The following NSD2 variants were observed in gnomAD, a reference collection of about 807,000 sequenced individuals.
NSD2 encodes histone-lysine N-methyltransferase NSD2.
In NSD2, 12 loss-of-function variants were observed where a neutral mutation model predicts 139.0. The observed-to-expected ratio is 0.09, with a 90% CI of 0.06 to 0.14. The LOEUF is 0.14. NSD2 is among the 10% of genes least tolerant of loss of function. NSD2 has a pLI of 1.00. For synonymous variants in NSD2, 669 were observed against 648.7 expected (o/e 1.03, Z -0.48); for missense variants, 1,155 against 1,745.0 (o/e 0.66, Z 6.02).
Position 1,948,503 on chromosome 4 carries a change from G to A in NSD2, c.1882-2569G>A, listed in dbSNP as rs368737664. ...CTTGCGGGTGGTTGCCGAGCCGAGA[G>A]CATTGGATCCTCCCCGACTGTGGCT... is the stretch of plus-strand genomic sequence containing the variant. On this transcript the variant is annotated intron_variant, in intron 9 of 21. Coordinates refer to ENST00000508803, the MANE Select transcript of NSD2 (RefSeq NM_001042424.3). The surrounding 1 kb of genome is among the most constrained non-coding windows in gnomAD (Gnocchi z 4.5). The A allele has an allele frequency of 9.4e-7, 1 of 1,064,476 alleles. No individual in the cohort carries two copies. The highest frequency in any genetic ancestry group is 1.1e-6 in the Non-Finnish European group (1 of 877,946). 65.9% of individuals were successfully genotyped at this position (1,064,476 alleles called of 1,614,324 possible).
At position 1,951,135 on chromosome 4, in the gene NSD2, A is replaced by C; in HGVS notation, c.1945A>C (p.Thr649Pro). ...ATACGAAAGTGCAGACGAAACACAA[A>C]CTGAAGTATCTGTCTCATCCAAAAA... ...SPYESADETQTEVSVSSKKSE... is the reference protein window; with the variant it reads ...SPYESADETQPEVSVSSKKSE... Residue 649 changes from threonine (T) to proline (P), a missense_variant, in exon 10 of 22, where the codon ACT (threonine) becomes CCT (proline). By Grantham distance (38) the Thr-to-Pro change is conservative (BLOSUM62 -1). Around this residue, in one of 8 missense-constraint regions of NSD2, gnomAD observed 420 missense variants for 469.0 expected, o/e 0.90. Coordinates refer to ENST00000508803, the MANE Select transcript of NSD2 (RefSeq NM_001042424.3). The C allele has an allele frequency of 6.2e-7, 1 of 1,614,178 alleles. No homozygotes were observed. Among genetic ancestry groups the C allele is most frequent in the Non-Finnish European group, 8.5e-7 (1 of 1,180,022 alleles).
At chr4:1,965,872 C>A (rs1197374314) in intron 18 of NSD2, among the ~76,000 whole-genome samples, 1 of 152,174 alleles carries the variant, frequency 6.6e-6, no homozygotes, top group Non-Finnish European at 1.5e-5. Flanking sequence ...ATGGAGGAAA[C>A]CCTCCCATAA....
intron 3 of NSD2, among the ~76,000 whole-genome samples, chr4:1,912,887 T>C (rs1718861254): frequency 6.6e-6 from 1 of 152,170 alleles, no homozygotes; most frequent in South Asian, 2.1e-4. Context: ...TTACATTGTT[T>C]TCTGTAGTTC....
intron 5 of NSD2, among the ~76,000 whole-genome samples, chr4:1,922,732 C>G (rs1720324981): frequency 6.6e-6 from 1 of 152,038 alleles, no homozygotes; most frequent in African/African-American, 2.4e-5. Context: ...TCCAGACTAG[C>G]CTGGCCAACA....
chr4:1,955,924 G>A lies in NSD2; in HGVS notation c.2676-59G>A. The A allele has an allele frequency of 6.2e-7, 1 of 1,610,938 alleles. No individual in the cohort carries two copies. Among genetic ancestry groups the A allele is most frequent in the South Asian group, 1.1e-5 (1 of 90,822 alleles). ...TTCGCTTTACAGTACTTAAAGTATTGAAATTATTATCGCTGTCTCTGAGGA... is the reference window on the plus strand; with the variant it reads ...TTCGCTTTACAGTACTTAAAGTATTAAAATTATTATCGCTGTCTCTGAGGA... On this transcript the variant is annotated intron_variant, in intron 14 of 21. Coordinates refer to ENST00000508803, the MANE Select transcript of NSD2 (RefSeq NM_001042424.3). This position sits in a 1 kb window ranked among gnomAD's most constrained non-coding sequence, Gnocchi z 4.7.
In NSD2 at chr4:1,976,470, T is replaced by C; in HGVS notation, c.3622-5T>C. 1 of 1,612,590 alleles carries C rather than the reference T, an allele frequency of 6.2e-7. No individual in the cohort carries two copies. Among genetic ancestry groups the C allele is most frequent in the Non-Finnish European group, 8.5e-7 (1 of 1,179,464 alleles). On this transcript the variant is annotated splice_region_variant and splice_polypyrimidine_tract_variant and intron_variant, in intron 20 of 21. Coordinates refer to ENST00000508803, the MANE Select transcript of NSD2 (RefSeq NM_001042424.3). The surrounding 1 kb of genome is among the most constrained non-coding windows in gnomAD (Gnocchi z 5.3). Reference sequence around the variant, plus strand: ...CGGTGATCTGTGCTTAATTCTTGACTCTAGACCTCGACGACCCTTTCATCA... The same window carrying C: ...CGGTGATCTGTGCTTAATTCTTGACCCTAGACCTCGACGACCCTTTCATCA...
intron 2 of NSD2, among the ~76,000 whole-genome samples, chr4:1,901,836 G>C (rs1347555932): frequency 1.3e-5 from 2 of 152,220 alleles, no homozygotes; most frequent in East Asian, 3.8e-4. Flanking sequence ...CCTGTTCTTG[G>C]TTCCCAGTGC....
intron 1 of NSD2, among the ~76,000 whole-genome samples, chr4:1,890,798 A>T (rs866544350): frequency 6.7e-6 from 1 of 148,622 alleles, no homozygotes; most frequent in Non-Finnish European, 1.5e-5. Flanking sequence ...GGGTTTCACC[A>T]TGTTGGCCAG....
chr4:1,932,439 CAAAAA>C (rs776037394), intron 6 of NSD2, among the ~76,000 whole-genome samples: 3 of 65,392 alleles, frequency 4.6e-5, no homozygotes, highest in Non-Finnish European at 6.8e-5. Context: ...AGTCAATCTC[CAAAAA>C]AAAAAAAAAA....
chr4:1,901,660 AGT>A (rs1365940781), intron 2 of NSD2, among the ~76,000 whole-genome samples: 2 of 152,178 alleles, frequency 1.3e-5, no homozygotes, highest in Non-Finnish European at 2.9e-5. Flanking sequence ...TGGGCTCTAG[AGT>A]GTGACTTCTT....
Position 1,939,784 on chromosome 4 carries a change from A to G in NSD2, c.1881+6A>G. On this transcript the variant is annotated splice_donor_region_variant and intron_variant, in intron 9 of 21. Transcript: ENST00000508803. ...CATCCTTAACTGAGAATGAGGTAAA[A>G]TAATAATAATAACGATAACCATGGC... is the stretch of plus-strand genomic sequence containing the variant. 6.2e-7 allele frequency: 1 copy of G among 1,613,804 alleles called. No individual in the cohort carries two copies. The highest frequency in any genetic ancestry group is 8.5e-7 in the Non-Finnish European group (1 of 1,179,742).
In NSD2 at chr4:1,916,866, A is replaced by T; in HGVS notation, c.761-5A>T. Reference sequence around the variant, plus strand: ...CATTCTCTAACATTTTATTTTAAAAACTAGGTCAGAAAAAGAGTGCACGCC... The same window carrying T: ...CATTCTCTAACATTTTATTTTAAAATCTAGGTCAGAAAAAGAGTGCACGCC... On this transcript the variant is annotated splice_polypyrimidine_tract_variant and splice_region_variant and intron_variant, in intron 3 of 21. Coordinates refer to ENST00000508803, the MANE Select transcript of NSD2 (RefSeq NM_001042424.3). 1 of 1,588,604 alleles carries T rather than the reference A, an allele frequency of 6.3e-7. No individual in the cohort carries two copies. The highest frequency in any genetic ancestry group is 1.2e-5 in the South Asian group (1 of 85,954).
chr4:1,891,799 G>T (rs1438311360), intron 1 of NSD2, among the ~76,000 whole-genome samples: 1 of 150,798 alleles, frequency 6.6e-6, no homozygotes, highest in Non-Finnish European at 1.5e-5. Context: ...GGAGCTTGCA[G>T]TGAGCCGAGA....
In NSD2 at chr4:1,981,076, T is replaced by C. The variant is rs578145510; in HGVS notation, c.*2167T>C. The C allele has an allele frequency of 1.3e-5, 3 of 233,276 alleles. No individual in the cohort carries two copies. In the South Asian group the frequency reaches 5.4e-4, roughly 42 times the overall value. The allele number at this position is 233,276 out of a possible 1,614,324, so 14.5% of individuals were successfully genotyped here. On this transcript the variant is annotated 3_prime_UTR_variant, in exon 22 of 22. Coordinates refer to ENST00000508803, the MANE Select transcript of NSD2 (RefSeq NM_001042424.3). Reference sequence around the variant, plus strand: ...TTTGCAGTGCACTTTGGGGAGCAGATATTAACTTATTTTTGTGTTGGACAG... The same window carrying C: ...TTTGCAGTGCACTTTGGGGAGCAGACATTAACTTATTTTTGTGTTGGACAG...
chr4:1,904,521 G>A (rs554196113), intron 3 of NSD2, 143 bp downstream of exon 3: 2 of 849,396 alleles, frequency 2.4e-6, no homozygotes, highest in Non-Finnish European at 3.5e-6. Context: ...ATTGATTCAA[G>A]TGTGATGTGT....
chr4:1,964,382 T>C (rs1725663760), intron 18 of NSD2, among the ~76,000 whole-genome samples: 1 of 152,188 alleles, frequency 6.6e-6, no homozygotes, highest in Non-Finnish European at 1.5e-5. Context: ...TGGAAGCTAC[T>C]GAAGGCTTGC....
At chr4:1,975,124 C>T in intron 19 of NSD2, 120 bp downstream of exon 19, 1 of 1,516,094 alleles carries the variant, frequency 6.6e-7, no homozygotes, top group African/African-American at 1.4e-5. Context: ...GATGTGGAGT[C>T]TCTTTTGGTT....
At position 1,945,816 on chromosome 4, in the gene NSD2, G is replaced by T. The variant is rs567225178; in HGVS notation, c.1882-5256G>T. On this transcript the variant is annotated intron_variant, in intron 9 of 21. Coordinates refer to ENST00000508803, the MANE Select transcript of NSD2 (RefSeq NM_001042424.3). ...GGCTGTAAAGCCACGGATTCCCCTC[G>T]CTGGAGAGGCTCCTGTCTGATAGCG... The T allele has an allele frequency of 1.8e-5, 19 of 1,063,922 alleles. No individual in the cohort carries two copies. The South Asian group carries it at 3.6e-4, about 20-fold the overall frequency. 65.9% of individuals were successfully genotyped at this position (1,063,922 alleles called of 1,614,324 possible). A position where few individuals can be genotyped will look rare whatever the true frequency, so the allele number is the denominator to read the frequency against.
chr4:1,904,452 T>C, intron 3 of NSD2, 74 bp downstream of exon 3: 4 of 1,482,666 alleles, frequency 2.7e-6, no homozygotes, highest in Non-Finnish European at 3.6e-6. Context: ...GGCTTCTTTC[T>C]TACTCTTTCT....
Sources: allele counts gnomAD v4.1 joint callset (sites outside exome capture counted in the v4.1 genomes callset), GRCh38; gene constraint gnomAD v4.1.1; regional missense constraint gnomAD v4.1.1; non-coding constraint Gnocchi (gnomAD v3.1); transcripts MANE v1.5; gene names NCBI Gene and HGNC (gene_info 2026-07-23, HGNC 2026-07-21).